Variants in SERPINB5 observed in about 807,000 individuals in gnomAD.
SERPINB5 encodes the protein serpin family B member 5.
A neutral mutation model predicts 32.2 loss-of-function variants in SERPINB5; 27 were observed. That is an observed-to-expected ratio of 0.84 (90% CI 0.62 to 1.16). The LOEUF (loss-of-function observed/expected upper bound fraction) is 1.16. Among genes scored for constraint, SERPINB5 ranks in the 50% most tolerant of loss-of-function variants. The pLI is 0.00. For missense variants in SERPINB5, 388 were observed against 436.3 expected (o/e 0.89, Z 0.99); for synonymous variants, 154 against 157.4 (o/e 0.98, Z 0.16).
intron 2 of SERPINB5, among the ~76,000 whole-genome samples, chr18:63,484,965 C>T (rs1412444633): frequency 1.3e-5 from 2 of 151,932 alleles, no homozygotes; most frequent in Non-Finnish European, 2.9e-5. Context: ...GTCTCGAACT[C>T]CTGACTTCAG....
chr18:63,498,959 CTG>C lies in SERPINB5; in HGVS notation c.568-159_568-158del, dbSNP rs1450096027. Among the ~76,000 whole-genome samples, 23 of 147,682 alleles carry C rather than the reference CTG, an allele frequency of 1.6e-4. No homozygotes were observed. The highest frequency in any genetic ancestry group is 5.5e-4 in the African/African-American group (22 of 40,262). On this transcript the variant is annotated intron_variant, in intron 5 of 6. Transcript: ENST00000382771. This position sits in a 1 kb window ranked among gnomAD's most constrained non-coding sequence, Gnocchi z 4.2. ...GGTGTATGTATATATGTATGTGTATCTGTATATATATAGGTGTAGGTATATAT... is the reference window on the plus strand; with the variant it reads ...GGTGTATGTATATATGTATGTGTATCTATATATATAGGTGTAGGTATATAT...
intron 6 of SERPINB5, among the ~76,000 whole-genome samples, chr18:63,502,427 G>T (rs546772476): frequency 1.3e-5 from 2 of 151,838 alleles, no homozygotes; most frequent in Non-Finnish European, 2.9e-5. Context: ...GAGCCACTGC[G>T]CCCAGCCGCA....
At chr18:63,497,138 G>C in intron 5 of SERPINB5, 4 of 635,252 alleles carry the variant, frequency 6.3e-6, no homozygotes, top group South Asian at 5.5e-5. Flanking sequence ...TTTAGGTGTG[G>C]CCAGACAGGA....
At chr18:63,479,972 A>T (rs775848633) in intron 1 of SERPINB5, among the ~76,000 whole-genome samples, 2 of 152,240 alleles carry the variant, frequency 1.3e-5, no homozygotes, top group Non-Finnish European at 2.9e-5. Context: ...AAATGCCAGC[A>T]AAGATGCAAT....
intron 1 of SERPINB5, among the ~76,000 whole-genome samples, chr18:63,478,419 T>C (rs888199229): frequency 2.6e-5 from 4 of 152,244 alleles, no homozygotes; most frequent in African/African-American, 9.6e-5. Flanking sequence ...ATAGCTGTAT[T>C]GTACTTTCTT....
At chr18:63,484,245 C>CATTT (rs1917170108) in intron 1 of SERPINB5, among the ~76,000 whole-genome samples, 177 bp from the exon 2 acceptor site, 3 of 152,220 alleles carry the variant, frequency 2.0e-5, no homozygotes, top group Admixed American at 2.0e-4. Flanking sequence ...TGCCTTCAGA[C>CATTT]ATTTGCCTGG....
chr18:63,478,809 G>T (rs1439828702), intron 1 of SERPINB5, among the ~76,000 whole-genome samples: 1 of 147,318 alleles, frequency 6.8e-6, no homozygotes, highest in African/African-American at 2.5e-5. Context: ...ACCCAGGATG[G>T]AGTGCAGTGG....
intron 3 of SERPINB5, among the ~76,000 whole-genome samples, chr18:63,488,461 G>A (rs771484771): frequency 5.3e-5 from 8 of 152,154 alleles, no homozygotes; most frequent in East Asian, 1.9e-4. Context: ...GGGGTGCAGC[G>A]GCATGATCTC....
chr18:63,478,020 A>T (rs1467147070), intron 1 of SERPINB5, among the ~76,000 whole-genome samples: 1 of 151,934 alleles, frequency 6.6e-6, no homozygotes, highest in African/African-American at 2.4e-5. Flanking sequence ...CATCCCCTAC[A>T]TCTCCCGGGA....
intron 5 of SERPINB5, chr18:63,493,824 C>G (rs1349954766): frequency 6.5e-6 from 1 of 153,936 alleles, no homozygotes; most frequent in Non-Finnish European, 1.4e-5. Context: ...CCACTGCACT[C>G]CAGCTTGGGC....
intron 1 of SERPINB5, among the ~76,000 whole-genome samples, chr18:63,480,358 A>G (rs17071158): frequency 0.046 from 6,941 of 152,306 alleles, 527 homozygotes; most frequent in African/African-American, 0.16. Context: ...CTACATTGCA[A>G]CTATAAACGA....
At chr18:63,497,499 G>GAAAAAAAA (rs60323388) in intron 5 of SERPINB5, 83 of 223,680 alleles carry the variant, frequency 3.7e-4, no homozygotes, top group African/African-American at 2.0e-3. Flanking sequence ...CAACGTTTCT[G>GAAAAAAAA]AAAAAAAAAA....
intron 5 of SERPINB5, among the ~76,000 whole-genome samples, chr18:63,494,612 C>T (rs917842190): frequency 6.6e-6 from 1 of 152,084 alleles, no homozygotes; most frequent in Non-Finnish European, 1.5e-5. Context: ...TTGTTTTTGC[C>T]AAATATAGTA....
At chr18:63,491,413 A>ACCCCCCC (rs1568110287) in intron 4 of SERPINB5, among the ~76,000 whole-genome samples, 105 of 145,906 alleles carry the variant, frequency 7.2e-4, no homozygotes, top group African/African-American at 2.8e-3. Flanking sequence ...CCAAAAAAAA[A>ACCCCCCC]AAAAAAAAAA....
intron 1 of SERPINB5, among the ~76,000 whole-genome samples, chr18:63,477,577 T>C (rs1917055383): frequency 6.6e-6 from 1 of 152,208 alleles, no homozygotes; most frequent in Non-Finnish European, 1.5e-5. Context: ...ATCAGATCGC[T>C]GTTCATCTAC....
At chr18:63,500,448 T>C (rs988824744) in intron 6 of SERPINB5, among the ~76,000 whole-genome samples, 20 of 152,276 alleles carry the variant, frequency 1.3e-4, no homozygotes, top group African/African-American at 4.8e-4. Flanking sequence ...AAATTTTGAA[T>C]TATGCAGATA....
Position 63,497,491 on chromosome 18 carries a change from A to G in SERPINB5, c.568-1629A>G, listed in dbSNP as rs545867486. 45 of 321,818 alleles carry G rather than the reference A, an allele frequency of 1.4e-4. 1 individual carries two copies. Among genetic ancestry groups the G allele is most frequent in the Non-Finnish European group, 5.5e-6 (1 of 181,284 alleles). The allele number at this position is 321,818 out of a possible 1,614,324, so 19.9% of individuals were successfully genotyped here. Reference sequence around the variant, plus strand: ...GTGCTAAGCTTTACCATTGAACACAACGTTTCTGAAAAAAAAAAAAAAAGA... The same window carrying G: ...GTGCTAAGCTTTACCATTGAACACAGCGTTTCTGAAAAAAAAAAAAAAAGA... On this transcript the variant is annotated intron_variant, in intron 5 of 6. Transcript: ENST00000382771.
intron 1 of SERPINB5, among the ~76,000 whole-genome samples, chr18:63,482,245 A>C (rs1403777484): frequency 1.3e-5 from 2 of 152,204 alleles, no homozygotes; most frequent in African/African-American, 4.8e-5. Flanking sequence ...ATTTGTGTCC[A>C]GGTATAAGGT....
At chr18:63,496,631 G>C (rs1599392760) in intron 5 of SERPINB5, among the ~76,000 whole-genome samples, 1 of 152,226 alleles carries the variant, frequency 6.6e-6, no homozygotes, top group African/African-American at 2.4e-5. Flanking sequence ...GTTCAGCTTA[G>C]TATTTGAAGA....
Sources: allele counts gnomAD v4.1 joint callset (sites outside exome capture counted in the v4.1 genomes callset), GRCh38; gene constraint gnomAD v4.1.1; non-coding constraint Gnocchi (gnomAD v3.1); transcripts MANE v1.5; gene names NCBI Gene and HGNC (gene_info 2026-07-23, HGNC 2026-07-21).